The following CLYBL variants were observed in gnomAD, a reference collection of about 807,000 sequenced individuals.
The protein encoded by CLYBL is citramalyl-CoA lyase, mitochondrial.
A neutral mutation model predicts 38.9 loss-of-function variants in CLYBL; 31 were observed. The ratio of observed to expected loss-of-function variants is 0.80; its 90% CI spans 0.60 to 1.08. The LOEUF (loss-of-function observed/expected upper bound fraction) is 1.08, where lower values mean the gene tolerates loss of function less well. CLYBL is among the 50% of genes least tolerant of loss of function. The pLI is 0.00. For synonymous variants in CLYBL, 171 were observed against 158.6 expected (o/e 1.08, Z -0.59); for missense variants, 434 against 411.6 (o/e 1.05, Z -0.47).
intron 1 of CLYBL, among the ~76,000 whole-genome samples, chr13:99,649,298 G>A (rs186015860): frequency 3.9e-5 from 6 of 152,168 alleles, no homozygotes; most frequent in Non-Finnish European, 8.8e-5. Flanking sequence ...ATGCCAGCTC[G>A]CTTCTAGCAT....
At chr13:99,717,665 G>A (rs1403722447) in intron 1 of CLYBL, among the ~76,000 whole-genome samples, 1 of 151,822 alleles carries the variant, frequency 6.6e-6, no homozygotes, top group African/African-American at 2.4e-5. Flanking sequence ...TTGCCATATT[G>A]CCCAGGCTGG....
chr13:99,886,213 CAT>C (rs1246174963), intron 7 of CLYBL, among the ~76,000 whole-genome samples: 2 of 152,184 alleles, frequency 1.3e-5, no homozygotes, highest in Non-Finnish European at 2.9e-5. Context: ...AATTTGGAAA[CAT>C]AGTGAATAGG....
chr13:99,786,467 T>C (rs2049798170), intron 2 of CLYBL, among the ~76,000 whole-genome samples: 1 of 152,140 alleles, frequency 6.6e-6, no homozygotes, highest in Non-Finnish European at 1.5e-5. Context: ...TTTGGTTTTT[T>C]GTTCTTGTGA....
chr13:99,878,569 G>A (rs960254608), intron 7 of CLYBL, among the ~76,000 whole-genome samples: 4 of 152,072 alleles, frequency 2.6e-5, no homozygotes, highest in Non-Finnish European at 5.9e-5. Context: ...TGATAGTAGC[G>A]GAACTCTACA....
intron 1 of CLYBL, among the ~76,000 whole-genome samples, chr13:99,706,532 C>A (rs2048149199): frequency 6.6e-6 from 1 of 152,094 alleles, no homozygotes. Context: ...TTTTCTGAGA[C>A]CAAAACTTAT....
At chr13:99,784,734 G>A (rs544888284) in intron 2 of CLYBL, among the ~76,000 whole-genome samples, 21 of 151,576 alleles carry the variant, frequency 1.4e-4, no homozygotes, top group South Asian at 2.1e-4. Flanking sequence ...GATTATAGGC[G>A]TAGGCCACCG....
intron 1 of CLYBL, among the ~76,000 whole-genome samples, chr13:99,661,904 C>T (rs1175304982): frequency 6.6e-6 from 1 of 152,150 alleles, no homozygotes; most frequent in Non-Finnish European, 1.5e-5. Context: ...CCTCCCCTGC[C>T]CCCTTATAAA....
intron 1 of CLYBL, among the ~76,000 whole-genome samples, chr13:99,697,231 G>C (rs1288718722): frequency 1.3e-5 from 2 of 152,198 alleles, no homozygotes; most frequent in African/African-American, 4.8e-5. Context: ...TAATTGTAAA[G>C]GGGTGTGCAG....
chr13:99,626,411 A>G (rs1227822724), intron 1 of CLYBL, among the ~76,000 whole-genome samples: 2 of 152,258 alleles, frequency 1.3e-5, no homozygotes, highest in Admixed American at 6.5e-5. Context: ...TCCTATTGGC[A>G]ACAAGGAGCC....
At chr13:99,839,728 G>A (rs1401050677) in intron 2 of CLYBL, among the ~76,000 whole-genome samples, 1 of 151,634 alleles carries the variant, frequency 6.6e-6, no homozygotes, top group Non-Finnish European at 1.5e-5. Flanking sequence ...ATATTTATGG[G>A]GTACATGAGA....
intron 2 of CLYBL, among the ~76,000 whole-genome samples, chr13:99,827,537 G>A (rs1594207032): frequency 6.6e-6 from 1 of 152,184 alleles, no homozygotes; most frequent in East Asian, 1.9e-4. Context: ...CTCCCCTTAG[G>A]AGCCTGTCAG....
intron 2 of CLYBL, among the ~76,000 whole-genome samples, chr13:99,856,469 G>A (rs1223988330): frequency 6.6e-6 from 1 of 152,154 alleles, no homozygotes; most frequent in East Asian, 1.9e-4. Flanking sequence ...TTGCAAGGCT[G>A]ACTTAGCTAT....
At chr13:99,792,965 CT>C (rs1256158032) in intron 2 of CLYBL, among the ~76,000 whole-genome samples, 4 of 151,596 alleles carry the variant, frequency 2.6e-5, no homozygotes, top group African/African-American at 4.9e-5. Flanking sequence ...TCCTTTCCAC[CT>C]GAGCATATAT....
At chr13:99,900,960 G>A (rs1373082072), downstream of CLYBL, among the ~76,000 whole-genome samples, 4 of 152,118 alleles carry the variant, frequency 2.6e-5, no homozygotes, top group South Asian at 2.1e-4. Context: ...GATGTCCCCC[G>A]GCCCCTGTAG....
At chr13:99,758,626 T>TG (rs1258769326) in intron 1 of CLYBL, among the ~76,000 whole-genome samples, 1 of 152,128 alleles carries the variant, frequency 6.6e-6, no homozygotes, top group African/African-American at 2.4e-5. Flanking sequence ...GAGGGAGGCG[T>TG]GGTAAAGCCT....
intron 1 of CLYBL, among the ~76,000 whole-genome samples, chr13:99,685,168 T>C (rs9513649): frequency 0.023 from 3,473 of 152,288 alleles, 65 homozygotes; most frequent in Middle Eastern, 0.085. Flanking sequence ...CTTGTGAAAT[T>C]GTTAGAAGTA....
intron 1 of CLYBL, among the ~76,000 whole-genome samples, chr13:99,667,189 C>T (rs570505081): frequency 6.6e-6 from 1 of 152,244 alleles, no homozygotes; most frequent in Non-Finnish European, 1.5e-5. Context: ...AGTCACTGCT[C>T]TAGTAGAATG....
intron 7 of CLYBL, among the ~76,000 whole-genome samples, chr13:99,875,140 T>C (rs2052004637): frequency 6.6e-6 from 1 of 152,198 alleles, no homozygotes; most frequent in Non-Finnish European, 1.5e-5. Context: ...AGGGGAAGTA[T>C]TCATCTTTAA....
intron 2 of CLYBL, among the ~76,000 whole-genome samples, chr13:99,855,764 C>G (rs1396605774): frequency 6.6e-6 from 1 of 151,926 alleles, no homozygotes; most frequent in African/African-American, 2.4e-5. Context: ...CAGTCAAATA[C>G]TTCACCCTGA....
Sources: gnomAD v4.1 joint callset for allele counts (sites outside exome capture counted in the v4.1 genomes callset) on GRCh38, gnomAD v4.1.1 for gene constraint, MANE v1.5 for transcripts, NCBI Gene and HGNC (gene_info 2026-07-23, HGNC 2026-07-21) for gene names.